CSMD1: variants seen among roughly 807,000 people sequenced by gnomAD.
The protein encoded by CSMD1 is CUB and sushi domain-containing protein 1.
Under a neutral mutation model 417.5 loss-of-function variants are expected in CSMD1, and 213 were observed. The ratio of observed to expected loss-of-function variants is 0.51; its 90% CI spans 0.46 to 0.57. CSMD1 has a LOEUF of 0.57. Ranked by LOEUF, CSMD1 falls within the 20% of genes least tolerant of loss-of-function variation. The pLI is 0.00. For missense variants in CSMD1, 6,923 were observed against 4,529.7 expected, an observed-to-expected ratio of 1.53 and a Z score of -15.17; for synonymous variants, 2,862 against 1,736.8, an observed-to-expected ratio of 1.65 and a Z score of -16.11.
chr8:3,144,046 G>A (rs1818679846), intron 40 of CSMD1, among the ~76,000 whole-genome samples: 1 of 152,176 alleles, frequency 6.6e-6, no homozygotes, highest in Non-Finnish European at 1.5e-5. Flanking sequence ...AAGCAAAAGG[G>A]TAAATAGTGC....
chr8:4,238,404 C>T (rs1266926423), intron 3 of CSMD1, among the ~76,000 whole-genome samples: 3 of 152,302 alleles, frequency 2.0e-5, no homozygotes, highest in Admixed American at 1.3e-4. Flanking sequence ...CCTGAGCACA[C>T]ATGGTATACC....
intron 5 of CSMD1, among the ~76,000 whole-genome samples, chr8:3,763,054 G>C (rs150125654): frequency 3.9e-5 from 6 of 152,254 alleles, no homozygotes; most frequent in African/African-American, 1.4e-4. Flanking sequence ...ATTTTTGCGA[G>C]ATTGAAGCCT....
At chr8:3,991,164 G>T (rs1014353252) in intron 5 of CSMD1, among the ~76,000 whole-genome samples, 1 of 152,180 alleles carries the variant, frequency 6.6e-6, no homozygotes, top group Non-Finnish European at 1.5e-5. Flanking sequence ...TGTGGAGAGG[G>T]TGCCTAATCC....
intron 1 of CSMD1, among the ~76,000 whole-genome samples, chr8:4,911,787 C>G (rs1385600794): frequency 1.3e-5 from 2 of 152,098 alleles, no homozygotes; most frequent in African/African-American, 2.4e-5. Context: ...GCCGCCAGAT[C>G]AATCACTTCT....
At chr8:3,687,321 T>C (rs1799990500) in intron 7 of CSMD1, among the ~76,000 whole-genome samples, 1 of 152,290 alleles carries the variant, frequency 6.6e-6, no homozygotes, top group South Asian at 2.1e-4. Flanking sequence ...GGTGATCTGC[T>C]CCATGTAAGG....
chr8:3,910,425 C>T (rs975762920), intron 5 of CSMD1, among the ~76,000 whole-genome samples: 1 of 152,150 alleles, frequency 6.6e-6, no homozygotes, highest in Non-Finnish European at 1.5e-5. Context: ...GACGCTTAAT[C>T]CCTTCATAAA....
chr8:3,458,187 G>T (rs1420203978), intron 12 of CSMD1, among the ~76,000 whole-genome samples: 1 of 152,180 alleles, frequency 6.6e-6, no homozygotes, highest in African/African-American at 2.4e-5. Flanking sequence ...TGTTGGGAAG[G>T]GAGAGTGCAA....
At chr8:3,669,643 C>T (rs542073172) in intron 7 of CSMD1, among the ~76,000 whole-genome samples, 1 of 152,144 alleles carries the variant, frequency 6.6e-6, no homozygotes, top group African/African-American at 2.4e-5. Context: ...CTGGGTACAT[C>T]ATTTATTAAC....
At chr8:4,031,386 A>AAG (rs1358258988) in intron 4 of CSMD1, among the ~76,000 whole-genome samples, 2 of 152,328 alleles carry the variant, frequency 1.3e-5, no homozygotes, top group South Asian at 2.1e-4. Flanking sequence ...GCAGCAGGCA[A>AAG]AGAGAGAGCT....
intron 3 of CSMD1, among the ~76,000 whole-genome samples, chr8:4,150,318 C>G (rs1481990166): frequency 6.6e-6 from 1 of 152,154 alleles, no homozygotes; most frequent in Non-Finnish European, 1.5e-5. Context: ...TTAGGAAGGA[C>G]ATCTCTAAAT....
Position 4,334,479 on chromosome 8 carries a change from C to A in CSMD1, c.415+85474G>T, listed in dbSNP as rs189732277. On this transcript the variant is annotated intron_variant, in intron 3 of 69. Transcript: ENST00000635120. ...ATCAAACTCCTGAGTGTTCATCCTGCCTTATCGATTTTTGACTTACCAGTC... is the reference window on the plus strand; with the variant it reads ...ATCAAACTCCTGAGTGTTCATCCTGACTTATCGATTTTTGACTTACCAGTC... Among the ~76,000 whole-genome samples the A allele has an allele frequency of 2.1e-3, 323 of 152,218 alleles. 1 individual carries two copies. The highest frequency in any genetic ancestry group is 3.6e-3 in the Non-Finnish European group (244 of 68,018).
intron 5 of CSMD1, among the ~76,000 whole-genome samples, chr8:3,863,301 G>A (rs1377860504): frequency 6.6e-6 from 1 of 151,424 alleles, no homozygotes; most frequent in Non-Finnish European, 1.5e-5. Context: ...GGAGGCTGAG[G>A]CAGGAGAATC....
chr8:4,363,370 G>C (rs373815025), intron 3 of CSMD1, among the ~76,000 whole-genome samples: 27 of 152,174 alleles, frequency 1.8e-4, no homozygotes, highest in African/African-American at 4.1e-4. Context: ...ATGCATGTGC[G>C]TGCATGCTTT....
At chr8:3,486,992 C>A (rs1818076399) in intron 11 of CSMD1, among the ~76,000 whole-genome samples, 1 of 152,094 alleles carries the variant, frequency 6.6e-6, no homozygotes, top group Non-Finnish European at 1.5e-5. Context: ...CCTCCTTGAT[C>A]CTGGGGAGTT....
At chr8:3,592,752 A>G (rs1489111812) in intron 8 of CSMD1, among the ~76,000 whole-genome samples, 1 of 152,070 alleles carries the variant, frequency 6.6e-6, no homozygotes, top group Non-Finnish European at 1.5e-5. Context: ...GTATTTTACT[A>G]AAACTCTGAG....
At position 4,423,057 on chromosome 8, in the gene CSMD1, T is replaced by TA. The variant is rs575346424; in HGVS notation, c.303-2993dup. Among the ~76,000 whole-genome samples the TA allele has an allele frequency of 2.2e-3, 330 of 151,892 alleles. 1 individual carries two copies. The highest frequency in any genetic ancestry group is 3.6e-3 in the Non-Finnish European group (241 of 67,880). On this transcript the variant is annotated intron_variant, in intron 2 of 69. Coordinates refer to ENST00000635120, the MANE Select transcript of CSMD1 (RefSeq NM_033225.6). ...TTGACAAAGAATATCTCTACAAAAATAAAAAAAATTTAAAAAAGCCTAAAG... is the reference window on the plus strand; with the variant it reads ...TTGACAAAGAATATCTCTACAAAAATAAAAAAAAATTTAAAAAAGCCTAAAG...
intron 52 of CSMD1, among the ~76,000 whole-genome samples, chr8:3,007,755 A>G (rs560880667): frequency 1.1e-4 from 14 of 124,856 alleles, no homozygotes; most frequent in African/African-American, 3.6e-4. Context: ...GGAACATCAC[A>G]CTCTGGGGAC....
chr8:3,548,723 T>C (rs904388088), intron 10 of CSMD1, among the ~76,000 whole-genome samples: 1 of 147,096 alleles, frequency 6.8e-6, no homozygotes, highest in African/African-American at 2.5e-5. Flanking sequence ...TTTCCACTCA[T>C]TGATTGATAG....
intron 26 of CSMD1, among the ~76,000 whole-genome samples, chr8:3,265,268 G>C (rs1329607450): frequency 6.6e-6 from 1 of 152,214 alleles, no homozygotes; most frequent in African/African-American, 2.4e-5. Flanking sequence ...GCTACTAAGT[G>C]TCAAATGTGA....
Sources: allele counts gnomAD v4.1 joint callset (sites outside exome capture counted in the v4.1 genomes callset), GRCh38; gene constraint gnomAD v4.1.1; transcripts MANE v1.5; gene names NCBI Gene and HGNC (gene_info 2026-07-23, HGNC 2026-07-21).